Variants in SYT16 observed in about 807,000 individuals in gnomAD.
The protein encoded by SYT16 is synaptotagmin 16.
A neutral mutation model predicts 61.4 loss-of-function variants in SYT16; 42 were observed. The observed-to-expected ratio is 0.68, with a 90% CI of 0.53 to 0.89. The LOEUF (loss-of-function observed/expected upper bound fraction) is 0.89. SYT16 is among the 40% of genes least tolerant of loss of function. The pLI is 0.00. For missense variants in SYT16, 804 were observed against 807.3 expected, an observed-to-expected ratio of 1.00 and a Z score of 0.05; for synonymous variants, 314 against 302.3, an observed-to-expected ratio of 1.04 and a Z score of -0.40.
chr14:61,859,022 T>TG (rs2140284030), intron 1 of SYT16, among the ~76,000 whole-genome samples: 1 of 98,060 alleles, frequency 1.0e-5, no homozygotes, highest in South Asian at 2.7e-4. Context: ...GCCCGGCTAA[T>TG]TTTTTTTTTT....
chr14:61,988,506 G>C (rs1002999883), intron 2 of SYT16, among the ~76,000 whole-genome samples: 4 of 152,140 alleles, frequency 2.6e-5, no homozygotes, highest in Admixed American at 1.3e-4. Flanking sequence ...TACTTACAAT[G>C]TGCTGTTGCT....
At chr14:62,072,670 G>A (rs117768354) in intron 4 of SYT16, among the ~76,000 whole-genome samples, 3,175 of 152,142 alleles carry the variant, frequency 0.021, 59 homozygotes, top group Non-Finnish European at 0.034. Flanking sequence ...AAATACCTTC[G>A]CAGCAATACC....
At chr14:61,812,478 G>T (rs1345998701), upstream of SYT16, 1 of 152,136 alleles carries the variant, frequency 6.6e-6, no homozygotes, top group African/African-American at 2.4e-5. Context: ...CCTCTTTGGG[G>T]GAGGGGCGGG....
chr14:61,989,228 G>A (rs116236544), intron 2 of SYT16, among the ~76,000 whole-genome samples: 34 of 152,126 alleles, frequency 2.2e-4, no homozygotes, highest in Admixed American at 8.5e-4. Flanking sequence ...GATGAATTTG[G>A]GATTAATATT....
Position 62,100,384 on chromosome 14 carries a change from T to A in SYT16, c.1625-10T>A, listed in dbSNP as rs1442739313. ...ATCATCCCCACCCCACCCTTTTTTT[T>A]TTGTCTTAGATACATATGGAAAACT... On this transcript the variant is annotated splice_polypyrimidine_tract_variant and intron_variant, in intron 7 of 7. Transcript: ENST00000683842. 6.4e-7 allele frequency: 1 copy of A among 1,563,964 alleles called. No homozygotes were observed. Among genetic ancestry groups the A allele is most frequent in the Non-Finnish European group, 8.7e-7 (1 of 1,155,566 alleles).
In SYT16 at chr14:61,812,810, A is replaced by T. The variant is rs2045307657; in HGVS notation, c.-325A>T. ...CCCTCGTCCGACCATGGCGACTGAC[A>T]GTGAGTGCGCTCCGGCCGCGGAGGC... On this transcript the variant is annotated splice_region_variant and 5_prime_UTR_variant, in exon 1 of 8. Transcript: ENST00000683842. 1 of 151,546 alleles carries T rather than the reference A, an allele frequency of 6.6e-6. No individual in the cohort carries two copies. Among genetic ancestry groups the T allele is most frequent in the African/African-American group, 2.4e-5 (1 of 41,248 alleles). The allele number at this position is 151,546 out of a possible 1,614,324, so 9.4% of individuals were successfully genotyped here. A position where few individuals can be genotyped will look rare whatever the true frequency, so the allele number is the denominator to read the frequency against.
intron 3 of SYT16, among the ~76,000 whole-genome samples, chr14:62,041,449 G>A (rs1267407518): frequency 6.6e-6 from 1 of 152,190 alleles, no homozygotes; most frequent in South Asian, 2.1e-4. Context: ...GGCTTAGACT[G>A]TGTTGAGCCT....
In SYT16 at chr14:62,047,992, A is replaced by C. The variant is rs532626726; in HGVS notation, c.524-21611A>C. ...GTATCAGGATGATGCTGGCCTCATAAAATGAGTTAGGGAGGATTCCCTCTT... is the reference window on the plus strand; with the variant it reads ...GTATCAGGATGATGCTGGCCTCATACAATGAGTTAGGGAGGATTCCCTCTT... On this transcript the variant is annotated intron_variant, in intron 3 of 7. Transcript: ENST00000683842. Among the ~76,000 whole-genome samples, 12 of 152,340 alleles carry C rather than the reference A, an allele frequency of 7.9e-5. 1 individual carries two copies. In the South Asian group the frequency reaches 2.5e-3, roughly 32 times the overall value.
At chr14:62,099,676 T>C (rs2057368381) in intron 7 of SYT16, among the ~76,000 whole-genome samples, 1 of 152,160 alleles carries the variant, frequency 6.6e-6, no homozygotes, top group African/African-American at 2.4e-5. Flanking sequence ...CCAAAGGATA[T>C]GTAGATGCCT....
chr14:61,830,899 G>A (rs574066101), intron 1 of SYT16, among the ~76,000 whole-genome samples: 1 of 152,306 alleles, frequency 6.6e-6, no homozygotes, highest in African/African-American at 2.4e-5. Flanking sequence ...GGCAAGGATG[G>A]TCAACAGGGC....
intron 1 of SYT16, among the ~76,000 whole-genome samples, chr14:61,875,721 C>T (rs1399023979): frequency 6.6e-6 from 1 of 152,214 alleles, no homozygotes; most frequent in Non-Finnish European, 1.5e-5. Context: ...GCAGATGGCA[C>T]CCCAGGTGCC....
chr14:62,024,051 A>AT (rs2054009648), intron 3 of SYT16, among the ~76,000 whole-genome samples: 1 of 152,076 alleles, frequency 6.6e-6, no homozygotes, highest in African/African-American at 2.4e-5. Context: ...TATTTTCTGA[A>AT]TTTTTTCCTG....
intron 1 of SYT16, among the ~76,000 whole-genome samples, chr14:61,886,885 TTTTTTTTTTTG>T (rs1215956180): frequency 2.4e-5 from 3 of 127,068 alleles, no homozygotes; most frequent in Admixed American, 7.6e-5. Context: ...TTTGTCTTTT[TTTTTTTTTTTG>T]TCTTTTTTTT....
intron 1 of SYT16, among the ~76,000 whole-genome samples, chr14:61,912,568 T>C (rs555443884): frequency 3.0e-4 from 46 of 152,220 alleles, no homozygotes; most frequent in Non-Finnish European, 5.4e-4. Flanking sequence ...ATCCTTTATT[T>C]CCCAGTGGCC....
At chr14:61,833,706 C>CTTTTTTTTTTTTTT (rs11357318) in intron 1 of SYT16, among the ~76,000 whole-genome samples, 1 of 48,344 alleles carries the variant, frequency 2.1e-5, no homozygotes, top group African/African-American at 8.8e-5. Context: ...CCAGCAGTGG[C>CTTTTTTTTTTTTTT]TTTTTTTTTT....
At chr14:61,951,994 GC>G in intron 1 of SYT16, among the ~76,000 whole-genome samples, 1 of 152,168 alleles carries the variant, frequency 6.6e-6, no homozygotes, top group South Asian at 2.1e-4. Flanking sequence ...TCGCCATGTT[GC>G]CCAGGCTGGT....
intron 1 of SYT16, among the ~76,000 whole-genome samples, chr14:61,912,338 T>TTG (rs200343363): frequency 9.2e-5 from 14 of 152,348 alleles, no homozygotes; most frequent in East Asian, 7.7e-4. Flanking sequence ...CTTACTGCTG[T>TTG]CACTCTGACA....
intron 3 of SYT16, among the ~76,000 whole-genome samples, chr14:62,002,018 T>C (rs1373099624): frequency 6.6e-6 from 1 of 152,146 alleles, no homozygotes; most frequent in Non-Finnish European, 1.5e-5. Flanking sequence ...CACAGTTATT[T>C]TAAAATTCCT....
At chr14:61,857,482 T>C (rs998843021) in intron 1 of SYT16, among the ~76,000 whole-genome samples, 3 of 152,036 alleles carry the variant, frequency 2.0e-5, no homozygotes, top group Non-Finnish European at 4.4e-5. Context: ...ACTGCCAGAG[T>C]TTACAAAGTG....
Sources: gnomAD v4.1 joint callset for allele counts (sites outside exome capture counted in the v4.1 genomes callset) on GRCh38, gnomAD v4.1.1 for gene constraint, MANE v1.5 for transcripts, NCBI Gene and HGNC (gene_info 2026-07-23, HGNC 2026-07-21) for gene names.